Variants in ROBO2 observed in about 807,000 individuals in gnomAD.
The protein encoded by ROBO2 is roundabout guidance receptor 2, also known as roundabout homolog 2.
A neutral mutation model predicts 160.8 loss-of-function variants in ROBO2; 53 were observed. The observed-to-expected ratio is 0.33, with a 90% CI of 0.26 to 0.41. The LOEUF (loss-of-function observed/expected upper bound fraction) is 0.41, where lower values mean the gene tolerates loss of function less well. Among genes scored for constraint, ROBO2 ranks in the 10% least tolerant of loss-of-function variants. The pLI is 1.00. For synonymous variants in ROBO2, 664 were observed against 611.7 expected, an observed-to-expected ratio of 1.09 and a Z score of -1.26; for missense variants, 1,577 against 1,722.4, an observed-to-expected ratio of 0.92 and a Z score of 1.49.
chr3:76,936,084 A>G (rs934091397), intron 2 of ROBO2, among the ~76,000 whole-genome samples: 1 of 152,204 alleles, frequency 6.6e-6, no homozygotes, highest in Middle Eastern at 3.2e-3. Context: ...CAAGAATACC[A>G]CAAAAGTGAT....
intron 16 of ROBO2, among the ~76,000 whole-genome samples, chr3:77,585,061 T>C (rs1439403727): frequency 6.6e-6 from 1 of 151,042 alleles, no homozygotes; most frequent in Non-Finnish European, 1.5e-5. Flanking sequence ...ATGGATTGGC[T>C]GAATATAATT....
intron 2 of ROBO2, among the ~76,000 whole-genome samples, chr3:76,005,739 A>G (rs1351785358): frequency 6.6e-6 from 1 of 152,132 alleles, no homozygotes; most frequent in East Asian, 1.9e-4. Context: ...CACACACTAC[A>G]AGATTCCTTA....
intron 2 of ROBO2, among the ~76,000 whole-genome samples, chr3:77,136,566 T>C (rs1222512120): frequency 1.3e-5 from 2 of 148,464 alleles, no homozygotes; most frequent in African/African-American, 5.0e-5. Flanking sequence ...CCTCAAACTG[T>C]TGGGCTCAAG....
chr3:76,499,858 T>C (rs1472650011), intron 2 of ROBO2, among the ~76,000 whole-genome samples: 1 of 152,110 alleles, frequency 6.6e-6, no homozygotes, highest in Non-Finnish European at 1.5e-5. Flanking sequence ...CTATGAATTC[T>C]CCTTTTTTTA....
chr3:76,175,757 G>A (rs995431233), intron 2 of ROBO2, among the ~76,000 whole-genome samples: 12 of 152,148 alleles, frequency 7.9e-5, no homozygotes, highest in South Asian at 4.1e-4. Flanking sequence ...AACTTCTACC[G>A]TGTGTGTTTA....
intron 2 of ROBO2, among the ~76,000 whole-genome samples, chr3:76,088,443 T>C (rs2069103289): frequency 1.3e-5 from 2 of 152,004 alleles, no homozygotes. Flanking sequence ...CATAGAAGGT[T>C]CACCAAGATA....
chr3:76,752,334 T>A (rs530886507), intron 2 of ROBO2, among the ~76,000 whole-genome samples: 1 of 151,886 alleles, frequency 6.6e-6, no homozygotes, highest in East Asian at 1.9e-4. Context: ...ATATACCTAA[T>A]GTTAAATGAC....
chr3:76,482,539 T>A (rs2079268598), intron 2 of ROBO2, among the ~76,000 whole-genome samples: 4 of 152,140 alleles, frequency 2.6e-5, no homozygotes. Flanking sequence ...CTGATCACAG[T>A]CGTAGATTTT....
At chr3:76,997,621 A>G (rs1005194542) in intron 2 of ROBO2, among the ~76,000 whole-genome samples, 3 of 152,224 alleles carry the variant, frequency 2.0e-5, no homozygotes, top group Non-Finnish European at 4.4e-5. Flanking sequence ...CCAATAGTGT[A>G]AAAAGTAAGA....
intron 2 of ROBO2, among the ~76,000 whole-genome samples, chr3:76,502,212 T>C (rs2080497946): frequency 6.6e-6 from 1 of 152,160 alleles, no homozygotes; most frequent in Non-Finnish European, 1.5e-5. Flanking sequence ...TCTTCTGCCT[T>C]AATAGCTTTA....
intron 2 of ROBO2, among the ~76,000 whole-genome samples, chr3:77,333,668 T>G (rs2066201917): frequency 6.6e-6 from 1 of 152,196 alleles, no homozygotes; most frequent in African/African-American, 2.4e-5. Context: ...CGAATGTGTG[T>G]CCAGTATATT....
intron 2 of ROBO2, among the ~76,000 whole-genome samples, chr3:76,155,702 C>T (rs1330427772): frequency 3.9e-5 from 6 of 152,090 alleles, no homozygotes; most frequent in Non-Finnish European, 7.4e-5. Flanking sequence ...TTCATTAAGC[C>T]ATGTGTATTT....
rs2073209250 is a variant in ROBO2, at chr3:76,328,570, C to CA, written c.109+390974dup. 2.0e-5 allele frequency among the ~76,000 whole-genome samples: 3 copies of CA among 151,870 alleles called. No individual in the cohort carries two copies. In the South Asian group the frequency reaches 6.2e-4, roughly 32 times the overall value. On this transcript the variant is annotated intron_variant, in intron 2 of 26. Transcript: ENST00000487694. ...TGAAACCCCATCTCTACTAAACATA[C>CA]AAAAAATTATCCAGGCGCGGTGGCT...
intron 1 of ROBO2, among the ~76,000 whole-genome samples, chr3:75,933,222 C>T (rs1191681111): frequency 6.6e-6 from 1 of 152,148 alleles, no homozygotes; most frequent in African/African-American, 2.4e-5. Context: ...AACTGGAACT[C>T]AAGAGCTGTA....
At chr3:76,381,798 CAGAG>C (rs762264183) in intron 2 of ROBO2, among the ~76,000 whole-genome samples, 1 of 152,062 alleles carries the variant, frequency 6.6e-6, no homozygotes, top group Non-Finnish European at 1.5e-5. Context: ...AGAATTGAGA[CAGAG>C]AGAGGTTAAG....
chr3:76,756,272 A>G (rs184987218), intron 2 of ROBO2, among the ~76,000 whole-genome samples: 12 of 152,068 alleles, frequency 7.9e-5, no homozygotes, highest in South Asian at 2.1e-4. Context: ...TAATGGAAAA[A>G]TAGTTATAAA....
At chr3:77,227,840 G>C (rs527690652) in intron 2 of ROBO2, among the ~76,000 whole-genome samples, 2 of 152,292 alleles carry the variant, frequency 1.3e-5, no homozygotes, top group Admixed American at 6.5e-5. Context: ...TCAAAATAGT[G>C]AAACTAGTTT....
chr3:76,886,268 A>T (rs1350945362), intron 2 of ROBO2, among the ~76,000 whole-genome samples: 1 of 138,966 alleles, frequency 7.2e-6, no homozygotes, highest in Non-Finnish European at 1.6e-5. Context: ...AAATATATAT[A>T]TATATATAGA....
chr3:76,896,067 G>A (rs571041201), intron 2 of ROBO2, among the ~76,000 whole-genome samples: 7 of 152,198 alleles, frequency 4.6e-5, no homozygotes, highest in African/African-American at 1.7e-4. Context: ...TGCCAATTTG[G>A]CATATTTGAG....
Sources: gnomAD v4.1 joint callset for allele counts (sites outside exome capture counted in the v4.1 genomes callset) on GRCh38, gnomAD v4.1.1 for gene constraint, MANE v1.5 for transcripts, NCBI Gene and HGNC (gene_info 2026-07-23, HGNC 2026-07-21) for gene names.